The following NLGN1 variants were observed in gnomAD, a reference collection of about 807,000 sequenced individuals.
NLGN1 encodes the protein neuroligin 1, also known as neuroligin-1.
A neutral mutation model predicts 65.5 loss-of-function variants in NLGN1; 12 were observed. The ratio of observed to expected loss-of-function variants is 0.18; its 90% CI spans 0.12 to 0.30. The LOEUF is 0.30. Ranked by LOEUF, NLGN1 falls within the 10% of genes least tolerant of loss-of-function variation. NLGN1 has a pLI of 1.00. For missense variants in NLGN1, 750 were observed against 1,007.1 expected, an observed-to-expected ratio of 0.74 and a Z score of 3.46; for synonymous variants, 350 against 359.5, an observed-to-expected ratio of 0.97 and a Z score of 0.30.
At chr3:173,589,994 T>C (rs1748192278) in intron 2 of NLGN1, among the ~76,000 whole-genome samples, 1 of 152,106 alleles carries the variant, frequency 6.6e-6, no homozygotes, top group Non-Finnish European at 1.5e-5. Flanking sequence ...GTTGATAAAA[T>C]CCAGGTTGAG....
chr3:173,839,663 C>A (rs1011433295), intron 4 of NLGN1, among the ~76,000 whole-genome samples: 22 of 152,178 alleles, frequency 1.4e-4, no homozygotes, highest in African/African-American at 5.3e-4. Flanking sequence ...CCTTGTGATC[C>A]ACCTGCCTCT....
intron 3 of NLGN1, among the ~76,000 whole-genome samples, chr3:173,755,576 C>T (rs1264513823): frequency 6.6e-6 from 1 of 152,026 alleles, no homozygotes; most frequent in East Asian, 1.9e-4. Flanking sequence ...ACTAGGGCTG[C>T]CTTTGGAGAC....
intron 3 of NLGN1, among the ~76,000 whole-genome samples, chr3:173,670,999 A>G (rs1347538592): frequency 6.6e-6 from 1 of 152,192 alleles, no homozygotes; most frequent in Non-Finnish European, 1.5e-5. Context: ...TCTTAATTTT[A>G]TCCTTATAAA....
At chr3:173,957,433 G>T (rs998696031) in intron 4 of NLGN1, among the ~76,000 whole-genome samples, 1 of 152,110 alleles carries the variant, frequency 6.6e-6, no homozygotes, top group Admixed American at 6.5e-5. Flanking sequence ...TCTCTCATGG[G>T]TTACAACTAA....
At chr3:173,543,995 G>A (rs1173263360) in intron 2 of NLGN1, among the ~76,000 whole-genome samples, 3 of 152,076 alleles carry the variant, frequency 2.0e-5, no homozygotes, top group African/African-American at 7.2e-5. Context: ...TAGAAGCCAG[G>A]CATCTAAGAG....
chr3:174,194,429 C>T (rs1732981147), intron 4 of NLGN1, among the ~76,000 whole-genome samples: 2 of 147,486 alleles, frequency 1.4e-5, no homozygotes, highest in African/African-American at 5.0e-5. Context: ...AGCCTGGAGA[C>T]AGAGCTAGAC....
rs1746833135 is a variant in NLGN1, at chr3:174,261,201, G to GT, written c.647-14108dup. Among the ~76,000 whole-genome samples the GT allele has an allele frequency of 2.0e-5, 3 of 151,924 alleles. No individual in the cohort carries two copies. The Middle Eastern group carries it at 0.01, about 517-fold the overall frequency. ...TTGGTTCCATATGAACTTTAAAGTAGTTTTTTCCAATTCTGTGAAGAAAGT... is the reference window on the plus strand; with the variant it reads ...TTGGTTCCATATGAACTTTAAAGTAGTTTTTTTCCAATTCTGTGAAGAAAGT... On this transcript the variant is annotated intron_variant, in intron 4 of 6. Coordinates refer to ENST00000457714, the Ensembl canonical transcript of NLGN1.
At chr3:174,178,213 T>C (rs1211303197) in intron 4 of NLGN1, among the ~76,000 whole-genome samples, 1 of 152,130 alleles carries the variant, frequency 6.6e-6, no homozygotes, top group Non-Finnish European at 1.5e-5. Flanking sequence ...TTCAGATAAC[T>C]GACCCCAGAA....
At chr3:173,565,621 T>C (rs1311964520) in intron 2 of NLGN1, among the ~76,000 whole-genome samples, 3 of 151,894 alleles carry the variant, frequency 2.0e-5, no homozygotes, top group African/African-American at 7.3e-5. Context: ...CACAGGAAAA[T>C]AGAGGAAAAC....
chr3:174,200,443 G>A (rs1734221376), intron 4 of NLGN1, among the ~76,000 whole-genome samples: 2 of 152,102 alleles, frequency 1.3e-5, no homozygotes, highest in Non-Finnish European at 2.9e-5. Flanking sequence ...TACACCAAAT[G>A]TAAACTAAGT....
intron 3 of NLGN1, among the ~76,000 whole-genome samples, chr3:173,677,534 A>C (rs1763338345): frequency 6.6e-6 from 1 of 152,126 alleles, no homozygotes; most frequent in Non-Finnish European, 1.5e-5. Context: ...TAATCTATTT[A>C]AACCAAGGCA....
chr3:173,826,722 C>T (rs1007414540), intron 4 of NLGN1, among the ~76,000 whole-genome samples: 1 of 151,866 alleles, frequency 6.6e-6, no homozygotes, highest in African/African-American at 2.4e-5. Flanking sequence ...GTGCTTCTGA[C>T]CTGAAGGAGC....
chr3:174,078,184 T>C (rs1224882600), intron 4 of NLGN1, among the ~76,000 whole-genome samples: 1 of 152,150 alleles, frequency 6.6e-6, no homozygotes, highest in Non-Finnish European at 1.5e-5. Flanking sequence ...ACAGGTAAGA[T>C]AGATTATTTT....
intron 2 of NLGN1, among the ~76,000 whole-genome samples, chr3:173,498,163 C>G (rs1730350152): frequency 1.3e-5 from 2 of 151,680 alleles, no homozygotes; most frequent in South Asian, 4.1e-4. Context: ...ATTAACTCTT[C>G]ATTTAACATT....
chr3:173,991,603 G>A (rs534285909), intron 4 of NLGN1, among the ~76,000 whole-genome samples: 1 of 152,128 alleles, frequency 6.6e-6, no homozygotes, highest in African/African-American at 2.4e-5. Flanking sequence ...TAAATTTAAA[G>A]AGTCATATCT....
intron 2 of NLGN1, among the ~76,000 whole-genome samples, chr3:173,446,863 T>A (rs1395708346): frequency 6.6e-6 from 1 of 152,238 alleles, no homozygotes; most frequent in African/African-American, 2.4e-5. Context: ...AAATGTCTTC[T>A]TTTGCGAAGT....
intron 2 of NLGN1, among the ~76,000 whole-genome samples, chr3:173,556,449 T>G (rs1741716539): frequency 6.6e-6 from 1 of 152,192 alleles, no homozygotes; most frequent in Non-Finnish European, 1.5e-5. Context: ...ATAATTTCCT[T>G]CTTCTTTTTC....
chr3:173,872,376 G>C (rs369491535), intron 4 of NLGN1, among the ~76,000 whole-genome samples: 3 of 152,224 alleles, frequency 2.0e-5, no homozygotes, highest in Non-Finnish European at 1.5e-5. Context: ...ATGGGTCAAA[G>C]AAATATGGAA....
At chr3:173,493,355 GAAAATGGCCT>G (rs1729492037) in intron 2 of NLGN1, among the ~76,000 whole-genome samples, 1 of 151,710 alleles carries the variant, frequency 6.6e-6, no homozygotes, top group Non-Finnish European at 1.5e-5. Context: ...CCAAAGAGTA[GAAAATGGCCT>G]AATTTCAGCA....
Sources: allele counts gnomAD v4.1 joint callset (sites outside exome capture counted in the v4.1 genomes callset), GRCh38; gene constraint gnomAD v4.1.1; transcripts MANE v1.5; gene names NCBI Gene and HGNC (gene_info 2026-07-23, HGNC 2026-07-21).